XPR1: variants seen among roughly 807,000 people sequenced by gnomAD.
The protein encoded by XPR1 is xenotropic and polytropic retrovirus receptor 1, also known as solute carrier family 53 member 1.
Under a neutral mutation model 87.5 loss-of-function variants are expected in XPR1, and 28 were observed. The ratio of observed to expected loss-of-function variants is 0.32; its 90% CI spans 0.24 to 0.44. The LOEUF is 0.44. Ranked by LOEUF, XPR1 falls within the 20% of genes least tolerant of loss-of-function variation. The pLI, the probability that XPR1 is intolerant of heterozygous loss-of-function variation, is 1.00. For synonymous variants in XPR1, 300 were observed against 306.1 expected (o/e 0.98, Z 0.21); for missense variants, 559 against 862.3 (o/e 0.65, Z 4.41).
intron 2 of XPR1, among the ~76,000 whole-genome samples, chr1:180,765,153 C>T (rs1039612738): frequency 6.6e-5 from 10 of 152,126 alleles, no homozygotes; most frequent in Non-Finnish European, 1.0e-4. Context: ...CTTTAATCCT[C>T]GCAACAGTGC....
At chr1:180,817,326 AGCC>A (rs1650446498) in intron 7 of XPR1, among the ~76,000 whole-genome samples, 1 of 152,162 alleles carries the variant, frequency 6.6e-6, no homozygotes, top group African/African-American at 2.4e-5. Flanking sequence ...AATTCAGTGT[AGCC>A]TAAGTGTACA....
chr1:180,834,331 G>A (rs145420294), intron 9 of XPR1, among the ~76,000 whole-genome samples: 3 of 152,178 alleles, frequency 2.0e-5, no homozygotes, highest in African/African-American at 4.8e-5. Flanking sequence ...ACCCACCTTG[G>A]CCTCCCAAAG....
At chr1:180,691,426 C>A (rs938565898) in intron 2 of XPR1, among the ~76,000 whole-genome samples, 1 of 152,018 alleles carries the variant, frequency 6.6e-6, no homozygotes, top group Non-Finnish European at 1.5e-5. Context: ...ATCTTTTTAT[C>A]TTACAATACA....
At chr1:180,701,668 C>T (rs1279670176) in intron 2 of XPR1, among the ~76,000 whole-genome samples, 2 of 135,626 alleles carry the variant, frequency 1.5e-5, no homozygotes, top group African/African-American at 3.1e-5. Context: ...GGATATTGGT[C>T]TAAAATTCTC....
chr1:180,732,625 G>A lies in XPR1; in HGVS notation c.121+50214G>A, dbSNP rs867410345. Among the ~76,000 whole-genome samples the A allele has an allele frequency of 3.0e-4, 45 of 152,300 alleles. 1 individual carries two copies. The highest frequency in any genetic ancestry group is 6.8e-3 in the Middle Eastern group (2 of 294). On this transcript the variant is annotated intron_variant, in intron 2 of 14. Transcript: ENST00000367590. ...CCACTGCTCAAACTTCTAGGGGAGC[G>A]TACAGATGGTCACGTTGTGGGGCTC...
In XPR1 at chr1:180,632,057, C is replaced by A; in HGVS notation, c.-145C>A. On this transcript the variant is annotated 5_prime_UTR_variant, in exon 1 of 15. It adds an upstream start codon to the 5' untranslated region. Coordinates refer to ENST00000367590, the MANE Select transcript of XPR1 (RefSeq NM_004736.4). ...GGAGGAAGATGGCGGGCGGGCTGCTCTGAAGAGACCTCGGCGGCGGCGGAG... is the reference window on the plus strand; with the variant it reads ...GGAGGAAGATGGCGGGCGGGCTGCTATGAAGAGACCTCGGCGGCGGCGGAG... 3.2e-6 allele frequency: 3 copies of A among 925,950 alleles called. No individual in the cohort carries two copies. Among genetic ancestry groups the A allele is most frequent in the Non-Finnish European group, 5.1e-6 (3 of 582,940 alleles). 57.4% of individuals were successfully genotyped at this position (925,950 alleles called of 1,614,324 possible).
intron 11 of XPR1, among the ~76,000 whole-genome samples, chr1:180,845,676 A>G (rs1013406253): frequency 2.6e-5 from 4 of 152,208 alleles, no homozygotes; most frequent in Admixed American, 2.6e-4. Context: ...TCGTGCTACC[A>G]TGCCCAGCTA....
intron 2 of XPR1, among the ~76,000 whole-genome samples, chr1:180,764,521 T>C (rs764225856): frequency 6.6e-6 from 1 of 151,964 alleles, no homozygotes; most frequent in Non-Finnish European, 1.5e-5. Flanking sequence ...CCAGGCTGGA[T>C]TGCAGTAGTG....
intron 2 of XPR1, among the ~76,000 whole-genome samples, chr1:180,704,476 T>C (rs1323170176): frequency 6.6e-6 from 1 of 151,330 alleles, no homozygotes; most frequent in Non-Finnish European, 1.5e-5. Context: ...GCATAAATGC[T>C]TAATTATTTC....
At chr1:180,726,430 C>T (rs955704765) in intron 2 of XPR1, among the ~76,000 whole-genome samples, 3 of 152,108 alleles carry the variant, frequency 2.0e-5, no homozygotes, top group African/African-American at 7.2e-5. Context: ...ACACTCACTT[C>T]GAAGGTCTGC....
At chr1:180,839,608 G>A (rs1651434352) in intron 11 of XPR1, among the ~76,000 whole-genome samples, 1 of 152,018 alleles carries the variant, frequency 6.6e-6, no homozygotes, top group East Asian at 1.9e-4. Flanking sequence ...AAGTAATTGG[G>A]GCCTGCAAAT....
At chr1:180,684,548 G>A (rs958879407) in intron 2 of XPR1, among the ~76,000 whole-genome samples, 19 of 152,076 alleles carry the variant, frequency 1.2e-4, no homozygotes, top group African/African-American at 4.3e-4. Context: ...GCTTGATGGG[G>A]ATGGCATTGA....
chr1:180,683,023 C>T (rs1251498229), intron 2 of XPR1, among the ~76,000 whole-genome samples: 3 of 151,702 alleles, frequency 2.0e-5, no homozygotes, highest in Admixed American at 2.0e-4. Flanking sequence ...GCACAATGTG[C>T]AGGTTTGTTA....
At chr1:180,800,733 A>G (rs1309463914) in intron 3 of XPR1, among the ~76,000 whole-genome samples, 1 of 152,238 alleles carries the variant, frequency 6.6e-6, no homozygotes, top group Admixed American at 6.5e-5. Flanking sequence ...TCCTCAGTGC[A>G]CAGTCACTCT....
At chr1:180,813,442 A>T (rs146068866) in intron 7 of XPR1, among the ~76,000 whole-genome samples, 146 of 152,288 alleles carry the variant, frequency 9.6e-4, no homozygotes, top group African/African-American at 2.9e-3. Flanking sequence ...TTCTGAGTAC[A>T]TATACTTACC....
At chr1:180,846,225 G>A (rs1319648510) in intron 11 of XPR1, among the ~76,000 whole-genome samples, 3 of 147,186 alleles carry the variant, frequency 2.0e-5, no homozygotes, top group Admixed American at 6.8e-5. Context: ...TCACGCCACT[G>A]CGCTCTAGCC....
chr1:180,687,102 A>C (rs1257467616), intron 2 of XPR1, among the ~76,000 whole-genome samples: 1 of 152,182 alleles, frequency 6.6e-6, no homozygotes. Flanking sequence ...AAATATAAGA[A>C]AAATGAAATT....
chr1:180,874,908 G>A (rs769797253), intron 13 of XPR1, among the ~76,000 whole-genome samples: 33 of 152,140 alleles, frequency 2.2e-4, no homozygotes, highest in South Asian at 6.2e-4. Context: ...AAAAGCTGGC[G>A]TTGCTACAAG....
At chr1:180,827,438 C>G (rs1442708831) in intron 9 of XPR1, among the ~76,000 whole-genome samples, 13 of 152,148 alleles carry the variant, frequency 8.5e-5, no homozygotes, top group Non-Finnish European at 2.9e-5. Flanking sequence ...AAATAGCAAG[C>G]TGTGATTCAT....
Sources: allele counts gnomAD v4.1 joint callset (sites outside exome capture counted in the v4.1 genomes callset), GRCh38; gene constraint gnomAD v4.1.1; transcripts MANE v1.5; gene names NCBI Gene and HGNC (gene_info 2026-07-23, HGNC 2026-07-21).